Variants in IL23R observed in about 807,000 individuals in gnomAD.
The protein encoded by IL23R is interleukin 23 receptor.
IL23R carries 34 observed loss-of-function variants against 56.9 expected under a neutral mutation model. The observed-to-expected ratio is 0.60, with a 90% CI of 0.45 to 0.80. The LOEUF is 0.80. Among genes scored for constraint, IL23R ranks in the 30% least tolerant of loss-of-function variants. The pLI is 0.00. For missense variants in IL23R, 635 were observed against 730.0 expected (o/e 0.87, Z 1.50); for synonymous variants, 230 against 249.2 (o/e 0.92, Z 0.73).
At chr1:67,235,770 C>T (rs937429374) in intron 7 of IL23R, among the ~76,000 whole-genome samples, 3 of 152,220 alleles carry the variant, frequency 2.0e-5, no homozygotes, top group African/African-American at 4.8e-5. Context: ...TTCTCAAAGA[C>T]AGTCACATGG....
intron 3 of IL23R, among the ~76,000 whole-genome samples, chr1:67,179,006 G>C (rs531766552): frequency 1.3e-5 from 2 of 152,270 alleles, no homozygotes; most frequent in Non-Finnish European, 2.9e-5. Context: ...ATGTGCTGTT[G>C]GATTCGGTTT....
intron 6 of IL23R, 102 bp from the exon 7 acceptor site, chr1:67,219,472 A>G: frequency 9.1e-7 from 1 of 1,099,962 alleles, no homozygotes; most frequent in Non-Finnish European, 1.4e-6. Context: ...TAGAGTCTAG[A>G]AGACAGCTTG....
chr1:67,240,068 C>A (rs762033026), intron 8 of IL23R, 111 bp from the exon 9 acceptor site: 10 of 814,952 alleles, frequency 1.2e-5, no homozygotes, highest in African/African-American at 1.7e-5. Context: ...TGCTTCCCCC[C>A]ACCCTTTCTC....
intron 1 of IL23R, among the ~76,000 whole-genome samples, chr1:67,141,069 A>G (rs1049449165): frequency 3.3e-5 from 5 of 152,202 alleles, no homozygotes; most frequent in African/African-American, 1.2e-4. Context: ...AGAGGTATGA[A>G]GAAATACGTA....
At chr1:67,261,417 A>G (rs1170753757), downstream of IL23R, among the ~76,000 whole-genome samples, 2 of 150,616 alleles carry the variant, frequency 1.3e-5, no homozygotes, top group African/African-American at 4.9e-5. Flanking sequence ...ATACTGTAAA[A>G]AAAAGTATCC....
At chr1:67,265,801 G>T in the IL23R span, among the ~76,000 whole-genome samples, 2 of 151,942 alleles carry the variant, frequency 1.3e-5, no homozygotes, top group Admixed American at 1.3e-4. Context: ...AGCTACTTGG[G>T]AAGCTGAAGT....
chr1:67,228,082 TTTTCTTTC>T lies in IL23R; in HGVS notation c.955+8370_955+8377del, dbSNP rs138042502. Among the ~76,000 whole-genome samples the T allele has an allele frequency of 4.1e-3, 349 of 85,544 alleles. 67 individuals are homozygous for T. Among genetic ancestry groups the T allele is most frequent in the African/African-American group, 0.012 (244 of 20,596 alleles). 56.1% of individuals were successfully genotyped at this position (85,544 alleles called of 152,430 possible). A position where few individuals can be genotyped will look rare whatever the true frequency, so the allele number is the denominator to read the frequency against. On this transcript the variant is annotated intron_variant, in intron 7 of 10. Transcript: ENST00000347310. Reference sequence around the variant, plus strand: ...CTTTCTCTGTCTCTCTCTTTCTTTCTTTTCTTTCTTTCTTTCTTTCTTTCTCTCTCTTT... The same window carrying T: ...CTTTCTCTGTCTCTCTCTTTCTTTCTTTTCTTTCTTTCTTTCTCTCTCTTT...
At chr1:67,160,452 T>C (rs1646808440) in intron 1 of IL23R, among the ~76,000 whole-genome samples, 1 of 152,238 alleles carries the variant, frequency 6.6e-6, no homozygotes, top group African/African-American at 2.4e-5. Flanking sequence ...CTCTTTCATT[T>C]GAATAGATGG....
intron 6 of IL23R, chr1:67,207,702 A>AG: frequency 3.2e-6 from 1 of 316,944 alleles, no homozygotes; most frequent in Non-Finnish European, 6.1e-6. Flanking sequence ...TGGAACTGTA[A>AG]GTCCAATTAA....
chr1:67,217,630 T>C (rs183687950), intron 6 of IL23R, among the ~76,000 whole-genome samples: 1 of 151,680 alleles, frequency 6.6e-6, no homozygotes, highest in Non-Finnish European at 1.5e-5. Context: ...TCTCCAGTTA[T>C]ATTAACATTG....
At chr1:67,193,732 T>C (rs185403837) in intron 4 of IL23R, among the ~76,000 whole-genome samples, 86 of 152,340 alleles carry the variant, frequency 5.6e-4, no homozygotes, top group Admixed American at 1.1e-3. Flanking sequence ...ACAGCACTCC[T>C]GACACGAAAT....
At chr1:67,227,971 T>C (rs1650757755) in intron 7 of IL23R, among the ~76,000 whole-genome samples, 1 of 81,126 alleles carries the variant, frequency 1.2e-5, no homozygotes, top group Admixed American at 1.4e-4. Flanking sequence ...TCTTTCTTTC[T>C]TTCTTTCTTT....
intron 7 of IL23R, among the ~76,000 whole-genome samples, chr1:67,225,451 G>T (rs926464164): frequency 6.6e-6 from 1 of 151,932 alleles, no homozygotes; most frequent in African/African-American, 2.4e-5. Context: ...CTAATTATGG[G>T]CTATCTAGAA....
intron 1 of IL23R, among the ~76,000 whole-genome samples, chr1:67,166,876 C>T (rs1282232921): frequency 2.0e-5 from 3 of 151,824 alleles, no homozygotes; most frequent in African/African-American, 4.8e-5. Context: ...ATATTTTATG[C>T]GATATGATGA....
At chr1:67,254,533 C>T (rs12062288) in intron 9 of IL23R, among the ~76,000 whole-genome samples, 2 of 151,574 alleles carry the variant, frequency 1.3e-5, no homozygotes, top group African/African-American at 4.8e-5. Flanking sequence ...AATTAGTAAA[C>T]AAAACAACAA....
intron 2 of IL23R, among the ~76,000 whole-genome samples, chr1:67,168,908 C>T (rs2015501): frequency 0.38 from 57,823 of 151,696 alleles, 11,620 homozygotes; most frequent in East Asian, 0.64. Flanking sequence ...GCCTGTAATC[C>T]CAGCACTTTG....
At chr1:67,162,441 C>T (rs949925832), upstream of IL23R, among the ~76,000 whole-genome samples, 5 of 151,940 alleles carry the variant, frequency 3.3e-5, no homozygotes, top group African/African-American at 4.8e-5. Context: ...GAGCCGAGAT[C>T]GCGCCACTGC....
At chr1:67,249,383 G>A (rs888856275) in intron 9 of IL23R, among the ~76,000 whole-genome samples, 14 of 151,888 alleles carry the variant, frequency 9.2e-5, no homozygotes, top group African/African-American at 2.9e-4. Context: ...AGGATTTTCC[G>A]TGTTTGTGAA....
chr1:67,245,617 A>C (rs1652165708), intron 9 of IL23R, among the ~76,000 whole-genome samples: 1 of 152,124 alleles, frequency 6.6e-6, no homozygotes, highest in South Asian at 2.1e-4. Flanking sequence ...ACGTTTATTC[A>C]TTTGCCTATG....
Sources: allele counts gnomAD v4.1 joint callset (sites outside exome capture counted in the v4.1 genomes callset), GRCh38; gene constraint gnomAD v4.1.1; transcripts MANE v1.5; gene names NCBI Gene and HGNC (gene_info 2026-07-23, HGNC 2026-07-21).